Variants in ANKRD31 observed in about 807,000 individuals in gnomAD.
ANKRD31 encodes ankyrin repeat domain-containing protein 31.
A neutral mutation model predicts 186.0 loss-of-function variants in ANKRD31; 147 were observed. The observed-to-expected ratio is 0.79, with a 90% CI of 0.69 to 0.91. The LOEUF (loss-of-function observed/expected upper bound fraction) is 0.91, where lower values mean the gene tolerates loss of function less well. ANKRD31 is among the 40% of genes least tolerant of loss of function. The pLI is 0.00. For synonymous variants in ANKRD31, 673 were observed against 736.4 expected, an observed-to-expected ratio of 0.91 and a Z score of 1.39; for missense variants, 1,986 against 2,148.8, an observed-to-expected ratio of 0.92 and a Z score of 1.50.
chr5:75,230,429 A>C (rs1757879929), intron 2 of ANKRD31, 133 bp downstream of exon 2: 2 of 619,258 alleles, frequency 3.2e-6, no homozygotes, highest in African/African-American at 3.7e-5. Flanking sequence ...TATACAAATT[A>C]GCTTATGGTA....
At chr5:75,132,487 A>G (rs890519996) in intron 17 of ANKRD31, among the ~76,000 whole-genome samples, 1 of 152,202 alleles carries the variant, frequency 6.6e-6, no homozygotes, top group Non-Finnish European at 1.5e-5. Context: ...AAAAGAAATG[A>G]ACAAAGCCCC....
intron 17 of ANKRD31, among the ~76,000 whole-genome samples, chr5:75,123,386 T>C (rs1321388849): frequency 6.6e-6 from 1 of 152,068 alleles, no homozygotes; most frequent in South Asian, 2.1e-4. Flanking sequence ...ACAGATTCAA[T>C]GCAATTCCTA....
At chr5:75,123,510 T>C (rs1347276948) in intron 17 of ANKRD31, among the ~76,000 whole-genome samples, 1 of 152,008 alleles carries the variant, frequency 6.6e-6, no homozygotes, top group East Asian at 1.9e-4. Flanking sequence ...AGAACAAAGC[T>C]AGAGAGAGCA....
At chr5:75,148,507 TTTG>T in intron 13 of ANKRD31, 66 bp downstream of exon 13, 2 of 1,134,788 alleles carry the variant, frequency 1.8e-6, no homozygotes, top group Non-Finnish European at 2.4e-6. Flanking sequence ...TTCTCTTCCC[TTTG>T]ACAATCTATG....
chr5:75,104,642 G>A lies in ANKRD31; in HGVS notation c.4917C>T (p.Ile1639=), dbSNP rs1350953214. 2.0e-5 allele frequency: 31 copies of A among 1,535,906 alleles called. No homozygotes were observed. The highest frequency in any genetic ancestry group is 2.5e-5 in the Non-Finnish European group (29 of 1,146,468). ...DHEFYVSSPV[I]GKLNISETAS... ...CAGTTTCTGAAATATTTAATTTGCC[G>A]ATTACTGGGGAAGAAACATAGAATT... is the stretch of plus-strand genomic sequence containing the variant. Residue 1639 remains isoleucine (I), a synonymous_variant, in exon 22 of 26, where the codon ATC becomes ATT. Transcript: ENST00000506364.
chr5:75,081,562 C>T (rs1489561301), intron 24 of ANKRD31, among the ~76,000 whole-genome samples: 1 of 152,086 alleles, frequency 6.6e-6, no homozygotes, highest in Admixed American at 6.5e-5. Flanking sequence ...GAACAGATGA[C>T]CTTCATGATA....
intron 25 of ANKRD31, among the ~76,000 whole-genome samples, chr5:75,076,491 G>C (rs1744661687): frequency 6.6e-6 from 1 of 152,188 alleles, no homozygotes; most frequent in African/African-American, 2.4e-5. Flanking sequence ...TGCGATCTCT[G>C]GGCATGCCAC....
chr5:75,145,033 A>G (rs949389234), intron 14 of ANKRD31, among the ~76,000 whole-genome samples: 1 of 152,208 alleles, frequency 6.6e-6, no homozygotes, highest in African/African-American at 2.4e-5. Context: ...CAAAGCCACA[A>G]TGAGACACCA....
intron 17 of ANKRD31, among the ~76,000 whole-genome samples, chr5:75,136,799 G>A (rs1313922764): frequency 6.6e-6 from 1 of 152,060 alleles, no homozygotes; most frequent in Non-Finnish European, 1.5e-5. Flanking sequence ...ATTAAGAAAA[G>A]GTGGCACATA....
intron 12 of ANKRD31, among the ~76,000 whole-genome samples, chr5:75,152,071 T>G (rs149851077): frequency 6.6e-6 from 1 of 152,020 alleles, no homozygotes; most frequent in Non-Finnish European, 1.5e-5. Context: ...GCACATAACC[T>G]CATAGGCAGC....
chr5:75,121,538 A>G (rs1748794846), intron 17 of ANKRD31, among the ~76,000 whole-genome samples: 1 of 152,194 alleles, frequency 6.6e-6, no homozygotes. Flanking sequence ...ACATTCTCCC[A>G]AATAGACCAT....
At chr5:75,189,195 C>G (rs867330775) in intron 9 of ANKRD31, among the ~76,000 whole-genome samples, 1 of 152,108 alleles carries the variant, frequency 6.6e-6, no homozygotes, top group South Asian at 2.1e-4. Context: ...CAGCCTTGAT[C>G]CTTGCAATTG....
chr5:75,231,906 A>AACACACACACAC (rs56755264), intron 1 of ANKRD31, among the ~76,000 whole-genome samples: 347 of 144,708 alleles, frequency 2.4e-3, no homozygotes, highest in Non-Finnish European at 4.1e-3. Flanking sequence ...ACTGTCTCAA[A>AACACACACACAC]ACACACACAC....
At chr5:75,101,487 G>A (rs927562325) in intron 22 of ANKRD31, among the ~76,000 whole-genome samples, 9 of 152,028 alleles carry the variant, frequency 5.9e-5, no homozygotes, top group African/African-American at 2.2e-4. Context: ...GGTAGGTTGG[G>A]GAAGTTCTCC....
intron 5 of ANKRD31, among the ~76,000 whole-genome samples, chr5:75,201,010 C>A (rs1755790156): frequency 6.6e-6 from 1 of 151,952 alleles, no homozygotes; most frequent in African/African-American, 2.4e-5. Flanking sequence ...CTGAGTCATT[C>A]TTTTGGTTTC....
chr5:75,103,852 A>T (rs958326383), intron 22 of ANKRD31, among the ~76,000 whole-genome samples: 1 of 152,102 alleles, frequency 6.6e-6, no homozygotes, highest in African/African-American at 2.4e-5. Flanking sequence ...CCTGTTGGGG[A>T]GTGCAGTTGG....
chr5:75,189,842 A>G (rs1754983035), intron 9 of ANKRD31, among the ~76,000 whole-genome samples: 1 of 152,148 alleles, frequency 6.6e-6, no homozygotes. Context: ...CTATGCATTT[A>G]TTGAGATGAT....
chr5:75,211,999 A>AT (rs1756680431), intron 3 of ANKRD31, among the ~76,000 whole-genome samples: 1 of 151,794 alleles, frequency 6.6e-6, no homozygotes, highest in African/African-American at 2.4e-5. Flanking sequence ...TAACTTATCT[A>AT]TTTTTTCTTT....
At chr5:75,127,696 A>T (rs1749362216) in intron 17 of ANKRD31, among the ~76,000 whole-genome samples, 1 of 152,170 alleles carries the variant, frequency 6.6e-6, no homozygotes, top group Admixed American at 6.5e-5. Flanking sequence ...TTGTATTTGT[A>T]CTGAATCTAT....
Sources: allele counts gnomAD v4.1 joint callset (sites outside exome capture counted in the v4.1 genomes callset), GRCh38; gene constraint gnomAD v4.1.1; transcripts MANE v1.5; gene names NCBI Gene and HGNC (gene_info 2026-07-23, HGNC 2026-07-21).